The following ATP6V1H variants were observed in gnomAD, a reference collection of about 807,000 sequenced individuals.
ATP6V1H encodes the protein ATPase H+ transporting V1 subunit H, also known as V-type proton ATPase subunit H.
Under a neutral mutation model 71.7 loss-of-function variants are expected in ATP6V1H, and 39 were observed. That is an observed-to-expected ratio of 0.54 (90% confidence interval 0.42 to 0.71). The LOEUF is 0.71. Among genes scored for constraint, ATP6V1H ranks in the 30% least tolerant of loss-of-function variants. ATP6V1H has a pLI of 0.00. For missense variants in ATP6V1H, 509 were observed against 594.9 expected (o/e 0.86, Z 1.50); for synonymous variants, 192 against 199.3 (o/e 0.96, Z 0.31).
At chr8:53,797,686 A>AT (rs1052694699) in intron 8 of ATP6V1H, among the ~76,000 whole-genome samples, 1,560 of 147,260 alleles carry the variant, frequency 0.011, 30 homozygotes, top group African/African-American at 0.034. Context: ...CTCAAGAGTC[A>AT]TTTTTTTTTT....
chr8:53,753,844 G>A (rs1469941468), intron 12 of ATP6V1H, among the ~76,000 whole-genome samples: 4 of 152,080 alleles, frequency 2.6e-5, no homozygotes, highest in Non-Finnish European at 5.9e-5. Context: ...ACAACTATGA[G>A]GGTCTTAGTT....
At chr8:53,809,038 G>A (rs1231121219) in intron 7 of ATP6V1H, among the ~76,000 whole-genome samples, 1 of 152,156 alleles carries the variant, frequency 6.6e-6, no homozygotes, top group South Asian at 2.1e-4. Flanking sequence ...TAAAAAGTCT[G>A]AGTAAGCAAT....
In ATP6V1H at chr8:53,715,691, T is replaced by C. The variant is rs1806399497; in HGVS notation, c.*273A>G. 1 of 329,052 alleles carries C rather than the reference T, an allele frequency of 3.0e-6. No homozygotes were observed. The highest frequency in any genetic ancestry group is 2.1e-5 in the African/African-American group (1 of 47,142). 20.4% of individuals were successfully genotyped at this position (329,052 alleles called of 1,614,324 possible). A position where few individuals can be genotyped will look rare whatever the true frequency, so the allele number is the denominator to read the frequency against. Reference sequence around the variant, plus strand: ...CATGTTTGGAGTGAGAATCCTTTAATAACTATATTTATTTCCAGAGAACAA... The same window carrying C: ...CATGTTTGGAGTGAGAATCCTTTAACAACTATATTTATTTCCAGAGAACAA... On this transcript the variant is annotated 3_prime_UTR_variant, in exon 14 of 14. Coordinates refer to ENST00000359530, the MANE Select transcript of ATP6V1H (RefSeq NM_015941.4).
chr8:53,752,695 C>T (rs1399907717), intron 12 of ATP6V1H, among the ~76,000 whole-genome samples: 1 of 152,142 alleles, frequency 6.6e-6, no homozygotes, highest in African/African-American at 2.4e-5. Flanking sequence ...GGACTAGAGG[C>T]ATGTGCCACC....
At chr8:53,719,632 A>T (rs1003928971) in intron 13 of ATP6V1H, among the ~76,000 whole-genome samples, 17 of 152,220 alleles carry the variant, frequency 1.1e-4, no homozygotes, top group African/African-American at 4.1e-4. Context: ...TGCCATCTGG[A>T]CCGCGTTCCG....
At chr8:53,819,665 C>T (rs1442618919) in intron 4 of ATP6V1H, among the ~76,000 whole-genome samples, 6 of 111,398 alleles carry the variant, frequency 5.4e-5, no homozygotes, top group Non-Finnish European at 8.7e-5. Flanking sequence ...TACGTATATA[C>T]ATATATACAT....
At chr8:53,817,960 A>G (rs1207232324) in intron 4 of ATP6V1H, among the ~76,000 whole-genome samples, 1 of 152,206 alleles carries the variant, frequency 6.6e-6, no homozygotes, top group Non-Finnish European at 1.5e-5. Flanking sequence ...CAAGGGAAAC[A>G]GGGAATTAAA....
intron 4 of ATP6V1H, among the ~76,000 whole-genome samples, chr8:53,818,118 T>C (rs1810512341): frequency 6.6e-6 from 1 of 152,222 alleles, no homozygotes; most frequent in African/African-American, 2.4e-5. Flanking sequence ...TCACCTCTCA[T>C]CTAAATTTTC....
In ATP6V1H at chr8:53,821,362, G is replaced by A. The variant is rs2130495762; in HGVS notation, c.307-3832C>T. The stretch of plus-strand genomic sequence containing the variant: ...CACTCCAGCCTGGCCAATGGAGCAA[G>A]ACTCCATCTCAAAAAAAAAAAAAAA... On this transcript the variant is annotated intron_variant, in intron 4 of 13. Transcript: ENST00000359530. 1.5e-5 allele frequency among the ~76,000 whole-genome samples: 2 copies of A among 134,398 alleles called. 1 individual carries two copies. Among genetic ancestry groups the A allele is most frequent in the Middle Eastern group, 0.011 (2 of 186 alleles). 88.2% of individuals were successfully genotyped at this position (134,398 alleles called of 152,430 possible).
chr8:53,774,765 T>C (rs1808802051), intron 9 of ATP6V1H, among the ~76,000 whole-genome samples: 6 of 151,534 alleles, frequency 4.0e-5, no homozygotes, highest in Admixed American at 2.6e-4. Flanking sequence ...CTCCTGAAGA[T>C]ACGCCCCACT....
At chr8:53,756,414 ATTCTCACTAT>A (rs1371531253) in intron 12 of ATP6V1H, 131 bp downstream of exon 12, 1 of 626,830 alleles carries the variant, frequency 1.6e-6, no homozygotes, top group East Asian at 2.8e-5. Flanking sequence ...GTTTATCATA[ATTCTCACTAT>A]TGTGGCAATC....
chr8:53,750,055 C>G (rs1478424291), intron 12 of ATP6V1H, among the ~76,000 whole-genome samples: 1 of 152,288 alleles, frequency 6.6e-6, no homozygotes, highest in East Asian at 1.9e-4. Context: ...GTTTGATTCT[C>G]AGAATCATGT....
At chr8:53,780,760 A>G (rs987284556) in intron 9 of ATP6V1H, among the ~76,000 whole-genome samples, 3 of 151,930 alleles carry the variant, frequency 2.0e-5, no homozygotes, top group East Asian at 3.9e-4. Flanking sequence ...CTCATTGTTC[A>G]ATTCCCACCT....
intron 4 of ATP6V1H, among the ~76,000 whole-genome samples, chr8:53,824,253 A>G (rs185971081): frequency 2.1e-4 from 32 of 152,274 alleles, no homozygotes; most frequent in Admixed American, 1.9e-3. Context: ...CCCACCAAAA[A>G]CAACAGGTTC....
intron 9 of ATP6V1H, 21 bp from the exon 10 acceptor site, chr8:53,772,188 G>C (rs1808683636): frequency 6.3e-7 from 1 of 1,577,048 alleles, no homozygotes; most frequent in East Asian, 2.3e-5. Flanking sequence ...CAAAGTGATA[G>C]TGAGAAACTA....
intron 13 of ATP6V1H, among the ~76,000 whole-genome samples, chr8:53,729,984 C>A (rs16919511): frequency 6.6e-6 from 1 of 152,286 alleles, no homozygotes; most frequent in African/African-American, 2.4e-5. Context: ...TCAGCTGATG[C>A]GGAAAGCTGA....
At position 53,789,569 on chromosome 8, in the gene ATP6V1H, T is replaced by C. The variant is rs116810704; in HGVS notation, c.870+6078A>G. Among the ~76,000 whole-genome samples, 724 of 152,274 alleles carry C rather than the reference T, an allele frequency of 4.8e-3. 8 individuals carry two copies. Among genetic ancestry groups the C allele is most frequent in the African/African-American group, 0.017 (689 of 41,570 alleles). On this transcript the variant is annotated intron_variant, in intron 9 of 13. Transcript: ENST00000359530. ...CTAAATAATACCTTTAAAAGCCATG[T>C]AGTCTCTTGAAACTGAGAGGAAAAG... is the stretch of plus-strand genomic sequence containing the variant.
chr8:53,756,650 C>A lies in ATP6V1H; in HGVS notation c.1182G>T (p.Leu394Phe). 1 of 1,612,466 alleles carries A rather than the reference C, an allele frequency of 6.2e-7. No homozygotes were observed. The highest frequency in any genetic ancestry group is 1.1e-5 in the South Asian group (1 of 90,848). The change falls in exon 12 of 14, where the codon TTG becomes TTT. Residue 394 changes from leucine (L) to phenylalanine (F), a missense_variant. This residue lies in a region of ATP6V1H where 212 missense variants were observed against 291.6 expected (regional missense o/e 0.73). Transcript: ENST00000359530. ...CATCTGACACTTCCAAAAGTTTTGT[C>A]AAGATTCTGAAATAAATTTTATCCA... ...NEKNYELLKILTKLLEVSDDP... is the reference protein window; with the variant it reads ...NEKNYELLKIFTKLLEVSDDP...
At chr8:53,819,910 C>T (rs1175426586) in intron 4 of ATP6V1H, among the ~76,000 whole-genome samples, 1 of 151,044 alleles carries the variant, frequency 6.6e-6, no homozygotes, top group Admixed American at 6.6e-5. Context: ...AATCTCTCCA[C>T]TGATCCTTCA....
Sources: allele counts gnomAD v4.1 joint callset (sites outside exome capture counted in the v4.1 genomes callset), GRCh38; gene constraint gnomAD v4.1.1; regional missense constraint gnomAD v4.1.1; transcripts MANE v1.5; gene names NCBI Gene and HGNC (gene_info 2026-07-23, HGNC 2026-07-21).